Variants in PHLPP2 observed in about 807,000 individuals in gnomAD.
PHLPP2 encodes PH domain leucine-rich repeat-containing protein phosphatase 2.
In PHLPP2, 66 loss-of-function variants were observed where a neutral mutation model predicts 124.9. That is an observed-to-expected ratio of 0.53 (90% CI 0.43 to 0.65). The LOEUF (loss-of-function observed/expected upper bound fraction) is 0.65, where lower values mean the gene tolerates loss of function less well. Among genes scored for constraint, PHLPP2 ranks in the 30% least tolerant of loss-of-function variants. The probability of loss-of-function intolerance (pLI) is 0.00; values close to 1 mark genes in which losing one functional copy is unlikely to be tolerated. For synonymous variants in PHLPP2, 681 were observed against 624.7 expected (o/e 1.09, Z -1.34); for missense variants, 1,685 against 1,600.4 (o/e 1.05, Z -0.90).
At chr16:71,657,702 T>C (rs564298571) in intron 15 of PHLPP2, among the ~76,000 whole-genome samples, 1 of 152,292 alleles carries the variant, frequency 6.6e-6, no homozygotes, top group South Asian at 2.1e-4. Context: ...CCAATAATAT[T>C]ATCTTTTAAT....
Position 71,724,576 on chromosome 16 carries a change from CTTTGT to C in PHLPP2, c.-259_-255del, listed in dbSNP as rs958043315. 4.6e-5 allele frequency: 7 copies of C among 151,752 alleles called. No individual in the cohort carries two copies. The highest frequency in any genetic ancestry group is 9.7e-5 in the African/African-American group (4 of 41,110). The allele number at this position is 151,752 out of a possible 1,614,324, so 9.4% of individuals were successfully genotyped here. A position where few individuals can be genotyped will look rare whatever the true frequency, so the allele number is the denominator to read the frequency against. On this transcript the variant is annotated 5_prime_UTR_variant, in exon 1 of 19. Transcript: ENST00000568954. The stretch of plus-strand genomic sequence containing the variant: ...TTTAAAAGTTAACTTCTTTTCTTTT[CTTTGT>C]TTTGTTTTTCTTTTCGTTCTCGCAG...
At chr16:71,682,427 C>T (rs2045010124) in intron 5 of PHLPP2, among the ~76,000 whole-genome samples, 1 of 152,002 alleles carries the variant, frequency 6.6e-6, no homozygotes, top group Non-Finnish European at 1.5e-5. Context: ...AGGTAATCCA[C>T]CCACCTCAAC....
chr16:71,648,851 C>T lies in PHLPP2; in HGVS notation c.*39G>A. 4 of 1,492,970 alleles carry T rather than the reference C, an allele frequency of 2.7e-6. No individual in the cohort carries two copies. The highest frequency in any genetic ancestry group is 3.7e-6 in the Non-Finnish European group (4 of 1,077,516). 92.5% of individuals were successfully genotyped at this position (1,492,970 alleles called of 1,614,324 possible). A position where few individuals can be genotyped will look rare whatever the true frequency, so the allele number is the denominator to read the frequency against. On this transcript the variant is annotated 3_prime_UTR_variant, in exon 19 of 19. Transcript: ENST00000568954. ...GCCTCTAGCAAGTCCCTACCCCAAC[C>T]CTGCACAGCCTCCTCCCACACTGTG...
chr16:71,650,211 C>T (rs2145301691), intron 18 of PHLPP2, among the ~76,000 whole-genome samples, 167 bp from the exon 19 acceptor site: 1 of 152,178 alleles, frequency 6.6e-6, no homozygotes, highest in African/African-American at 2.4e-5. Context: ...GTAGAGAAGT[C>T]CTAAAAGACA....
intron 10 of PHLPP2, among the ~76,000 whole-genome samples, chr16:71,671,704 G>T (rs530094505): frequency 6.6e-6 from 1 of 151,988 alleles, no homozygotes; most frequent in Admixed American, 6.6e-5. Flanking sequence ...CACAAGGTCA[G>T]GAGATCCAGA....
At chr16:71,677,488 AT>A (rs2044957933) in intron 8 of PHLPP2, 1 of 111,156 alleles carries the variant, frequency 9.0e-6, no homozygotes, top group Non-Finnish European at 1.9e-5. Flanking sequence ...ATATATATAT[AT>A]ATATGGAAGA....
chr16:71,655,501 T>TTA, intron 16 of PHLPP2, 67 bp from the exon 17 acceptor site: 7 of 1,165,286 alleles, frequency 6.0e-6, no homozygotes, highest in Non-Finnish European at 8.5e-6. Flanking sequence ...CCAGGGAGCA[T>TTA]TCTTTTTTTT....
chr16:71,711,186 C>G (rs766604986), intron 2 of PHLPP2, among the ~76,000 whole-genome samples: 37 of 151,950 alleles, frequency 2.4e-4, no homozygotes, highest in Non-Finnish European at 4.0e-4. Context: ...AGAAAATTAG[C>G]CAAGTGTGGT....
rs2045033841 is a variant in PHLPP2 at position 71,684,452 on chromosome 16, T to A, written c.735+24A>T. 14 of 1,613,030 alleles carry A rather than the reference T, an allele frequency of 8.7e-6. No individual in the cohort carries two copies. The East Asian group carries it at 3.1e-4, about 36-fold the overall frequency. ...AGGGTTCTCTATTCTTATCTCCACA[T>A]CAGAACATCCCATTACTTTTCACCT... On this transcript the variant is annotated intron_variant, in intron 5 of 18. Transcript: ENST00000568954.
chr16:71,688,500 T>C (rs545380520), intron 4 of PHLPP2, among the ~76,000 whole-genome samples: 14 of 152,338 alleles, frequency 9.2e-5, no homozygotes, highest in Admixed American at 2.6e-4. Flanking sequence ...TCTAAACACA[T>C]TTATTTTCAA....
chr16:71,650,066 A>T (rs1290905354), intron 18 of PHLPP2, 22 bp from the exon 19 acceptor site: 10 of 1,583,118 alleles, frequency 6.3e-6, no homozygotes, highest in Non-Finnish European at 8.6e-6. Context: ...CAGGACACAA[A>T]TTCTGAGAAA....
At position 71,681,741 on chromosome 16, in the gene PHLPP2, C is replaced by G. The variant is rs765390726; in HGVS notation, c.890+10G>C. ...TAACAGGTTAGTCTGGAAACCCATT[C>G]TCCACATACTTGTAGAGTGTATCGA... On this transcript the variant is annotated intron_variant, in intron 6 of 18. Transcript: ENST00000568954. The G allele has an allele frequency of 1.9e-6, 3 of 1,596,906 alleles. No homozygotes were observed.
Position 71,649,861 on chromosome 16 carries a change from G to T in PHLPP2, c.3001C>A (p.Arg1001Ser). The T allele has an allele frequency of 6.2e-7, 1 of 1,614,194 alleles. No individual in the cohort carries two copies. Among genetic ancestry groups the T allele is most frequent in the Non-Finnish European group, 8.5e-7 (1 of 1,180,016 alleles). The change falls in exon 19 of 19, where the codon CGT becomes AGT. Residue 1001 changes from arginine to serine, a missense_variant. By Grantham distance (110) the Arg-to-Ser change is moderately radical. Transcript: ENST00000568954. The part of the protein sequence containing the change: ...LSYTEAVNAV[R>S]HVQDPLAAAK... ...GCTGCTAATGGGTCTTGTACGTGAC[G>T]TACAGCATTGACAGCTTCTGTGTAG...
intron 2 of PHLPP2, 135 bp downstream of exon 2, chr16:71,714,377 A>T: frequency 8.5e-7 from 1 of 1,177,428 alleles, no homozygotes; most frequent in Non-Finnish European, 1.1e-6. Context: ...CCTTCCAAGG[A>T]CAAATCTTGA....
At chr16:71,692,657 G>GA (rs1180903181) in intron 3 of PHLPP2, among the ~76,000 whole-genome samples, 1 of 151,976 alleles carries the variant, frequency 6.6e-6, no homozygotes, top group African/African-American at 2.4e-5. Context: ...CCTCCCCAAG[G>GA]ATACCAAAAT....
chr16:71,708,316 T>A (rs910376331), intron 2 of PHLPP2, among the ~76,000 whole-genome samples: 4 of 152,130 alleles, frequency 2.6e-5, no homozygotes, highest in South Asian at 4.1e-4. Flanking sequence ...ACTGATGACA[T>A]TACCTTGTGA....
At position 71,655,248 on chromosome 16, in the gene PHLPP2, T is replaced by C. The variant is rs746559385; in HGVS notation, c.2577A>G (p.Val859=). Residue 859 remains valine (V), a synonymous_variant, in exon 17 of 19, where the codon GTA becomes GTG. Transcript: ENST00000568954. ...TCAACCCACCTGCTTACCTGTGAGATACCAAGAAGGTGTTAGCCATGAAAA... is the reference window on the plus strand; with the variant it reads ...TCAACCCACCTGCTTACCTGTGAGACACCAAGAAGGTGTTAGCCATGAAAA... ...DTVFMANTFL[V]SHRKLGMAGQ... is the part of the protein sequence containing the mutation. The C allele has an allele frequency of 6.2e-7, 1 of 1,608,784 alleles. No homozygotes were observed. Among genetic ancestry groups the C allele is most frequent in the Non-Finnish European group, 8.5e-7 (1 of 1,175,184 alleles).
chr16:71,649,246 G>A lies in PHLPP2; in HGVS notation c.3616C>T (p.Arg1206Ter), dbSNP rs2044676191. 3.7e-6 allele frequency: 6 copies of A among 1,613,738 alleles called. No individual in the cohort carries two copies. Among genetic ancestry groups the A allele is most frequent in the Non-Finnish European group, 5.1e-6 (6 of 1,179,916 alleles). ...CCACTATTCACACTGTTCTGTCTTC[G>A]GATCCCAAAACACGACCCTCTAGCA... The part of the protein sequence containing the change: ...EHARGSCFGI[R>*]RQNSVNSGML... Residue 1206 changes from arginine to a stop codon, truncating the protein, a stop_gained, in exon 19 of 19, where the codon CGA (arginine) becomes TGA (stop). Coordinates refer to ENST00000568954, the MANE Select transcript of PHLPP2 (RefSeq NM_015020.3). LOFTEE classifies it high-confidence loss of function.
rs1053535857 is a variant in PHLPP2 at position 71,679,096 on chromosome 16, T to C, written c.1038-111A>G. 9.0e-6 allele frequency: 6 copies of C among 668,502 alleles called. No homozygotes were observed. In the African/African-American group the frequency reaches 9.1e-5, roughly 10 times the overall value. 41.4% of individuals were successfully genotyped at this position (668,502 alleles called of 1,614,324 possible). On this transcript the variant is annotated intron_variant, in intron 7 of 18. Transcript: ENST00000568954. ...CACTAATTTATTATCAATCCCAAAA[T>C]AGTAAAGTGTCCTAACTCTCCATCT... is the stretch of plus-strand genomic sequence containing the variant.
Sources: allele counts gnomAD v4.1 joint callset (sites outside exome capture counted in the v4.1 genomes callset), GRCh38; gene constraint gnomAD v4.1.1; transcripts MANE v1.5; gene names NCBI Gene and HGNC (gene_info 2026-07-23, HGNC 2026-07-21).